PARP15: variants seen among roughly 807,000 people sequenced by gnomAD.
PARP15 encodes the protein poly(ADP-ribose) polymerase family member 15.
Under a neutral mutation model 62.1 loss-of-function variants are expected in PARP15, and 50 were observed. That is an observed-to-expected ratio of 0.81 (90% confidence interval 0.64 to 1.02). The LOEUF (loss-of-function observed/expected upper bound fraction) is 1.02. Among genes scored for constraint, PARP15 ranks in the 50% least tolerant of loss-of-function variants. The pLI is 0.00. For synonymous variants in PARP15, 309 were observed against 293.1 expected (o/e 1.05, Z -0.55); for missense variants, 820 against 826.5 (o/e 0.99, Z 0.10).
intron 8 of PARP15, among the ~76,000 whole-genome samples, chr3:122,626,283 C>T (rs180999651): frequency 1.3e-5 from 2 of 150,440 alleles, no homozygotes; most frequent in Non-Finnish European, 2.9e-5. Flanking sequence ...ACTGCAAGCT[C>T]CGCCTCCCAG....
chr3:122,630,439 C>G (rs1015961094), intron 9 of PARP15, among the ~76,000 whole-genome samples: 2 of 152,162 alleles, frequency 1.3e-5, no homozygotes, highest in Non-Finnish European at 2.9e-5. Context: ...AATCCCAGCA[C>G]TTCAGAAGGC....
rs1219154541 is a variant in PARP15 at position 122,577,659 on chromosome 3, G to T, written c.-9G>T. On this transcript the variant is annotated 5_prime_UTR_variant, in exon 1 of 12. Coordinates refer to ENST00000464300, the MANE Select transcript of PARP15 (RefSeq NM_001113523.3). ...GGTGGGGCGCAACTGCAGTCCCAGC[G>T]AGCTGAGGATGGCTGCGCCAGGCCC... 26 of 1,551,570 alleles carry T rather than the reference G, an allele frequency of 1.7e-5. No homozygotes were observed. Among genetic ancestry groups the T allele is most frequent in the Non-Finnish European group, 2.2e-5 (25 of 1,146,948 alleles).
intron 1 of PARP15, among the ~76,000 whole-genome samples, chr3:122,579,992 A>ACTATAT (rs2080764102): frequency 3.8e-5 from 1 of 26,128 alleles, no homozygotes; most frequent in Non-Finnish European, 8.6e-5. Flanking sequence ...AACAACAGCA[A>ACTATAT]CTATATGTAT....
chr3:122,589,471 A>G (rs7615345), intron 1 of PARP15, among the ~76,000 whole-genome samples: 36,531 of 152,114 alleles, frequency 0.24, 4,425 homozygotes, highest in East Asian at 0.28. Context: ...GCTGAGTCAC[A>G]TGGTAACTAA....
Position 122,619,737 on chromosome 3 carries a change from T to A in PARP15, c.1001-44T>A, listed in dbSNP as rs142789163. On this transcript the variant is annotated intron_variant, in intron 6 of 11. Transcript: ENST00000464300. ...ATGTACAAAAACTATAACCACTTATTGAATTCTAACTGATGCCTTTTACCA... is the reference window on the plus strand; with the variant it reads ...ATGTACAAAAACTATAACCACTTATAGAATTCTAACTGATGCCTTTTACCA... 3.4e-5 allele frequency: 50 copies of A among 1,485,580 alleles called. No individual in the cohort carries two copies. The Middle Eastern group carries it at 2.7e-3, about 82-fold the overall frequency. 92.0% of individuals were successfully genotyped at this position (1,485,580 alleles called of 1,614,324 possible). A position where few individuals can be genotyped will look rare whatever the true frequency, so the allele number is the denominator to read the frequency against.
At chr3:122,623,086 T>C (rs1010871628) in intron 8 of PARP15, among the ~76,000 whole-genome samples, 2 of 152,192 alleles carry the variant, frequency 1.3e-5, no homozygotes, top group Admixed American at 1.3e-4. Flanking sequence ...TAACCTTTTG[T>C]TATAACCTTT....
In PARP15 at chr3:122,635,102, A is replaced by G. The variant is rs1937274318; in HGVS notation, c.1655A>G (p.Asn552Ser). Reference protein sequence around the residue: ...RQMDIKNDHKNNERLLFHGTD... With the variant: ...RQMDIKNDHKSNERLLFHGTD... Reference sequence around the variant, plus strand: ...ATGGATATCAAGAATGACCATAAGAATAATGAGAGACTCCTCTTCCATGGG... The same window carrying G: ...ATGGATATCAAGAATGACCATAAGAGTAATGAGAGACTCCTCTTCCATGGG... Residue 552 changes from asparagine (N) to serine (S), a missense_variant, in exon 11 of 12, where the codon AAT becomes AGT. Transcript: ENST00000464300. The G allele has an allele frequency of 2.5e-6, 4 of 1,613,978 alleles. No homozygotes were observed. Among genetic ancestry groups the G allele is most frequent in the Non-Finnish European group, 3.4e-6 (4 of 1,179,964 alleles).
chr3:122,587,514 T>A (rs1933540379), intron 1 of PARP15, among the ~76,000 whole-genome samples: 1 of 152,106 alleles, frequency 6.6e-6, no homozygotes, highest in South Asian at 2.1e-4. Context: ...GGTAGCTCAT[T>A]GTTGTTTTGT....
chr3:122,623,653 C>T (rs58667377), intron 8 of PARP15, among the ~76,000 whole-genome samples: 9,012 of 152,216 alleles, frequency 0.059, 801 homozygotes, highest in African/African-American at 0.2. Flanking sequence ...TGCCACACCT[C>T]TTCGACTGTG....
intron 7 of PARP15, among the ~76,000 whole-genome samples, chr3:122,620,259 C>T (rs1936253776): frequency 6.6e-6 from 1 of 152,212 alleles, no homozygotes; most frequent in Admixed American, 6.5e-5. Context: ...GTTCTGTAAA[C>T]TGTGAAGTGC....
At chr3:122,596,267 AATCCCTT>A (rs1449421982) in intron 1 of PARP15, among the ~76,000 whole-genome samples, 7 of 146,588 alleles carry the variant, frequency 4.8e-5, no homozygotes, top group Non-Finnish European at 9.0e-5. Context: ...GAGGCAGGAT[AATCCCTT>A]GAACCAAGGA....
At position 122,638,509 on chromosome 3, in the gene PARP15, G is replaced by A. The variant is rs544977330; in HGVS notation, c.*2409G>A. ...TTGCCATTCTAACGGGTGTGGGATG[G>A]TATCTCATTGTTGTTTTGATTTGCA... On this transcript the variant is annotated 3_prime_UTR_variant, in exon 12 of 12. Transcript: ENST00000464300. 6.6e-6 allele frequency: 1 copy of A among 152,294 alleles called. No individual in the cohort carries two copies. The highest frequency in any genetic ancestry group is 2.1e-4 in the South Asian group (1 of 4,826). 9.4% of individuals were successfully genotyped at this position (152,294 alleles called of 1,614,324 possible). A position where few individuals can be genotyped will look rare whatever the true frequency, so the allele number is the denominator to read the frequency against.
rs1280441992 is a variant in PARP15 at position 122,635,017 on chromosome 3, C to A, written c.1573-3C>A. Reference sequence around the variant, plus strand: ...GAAATATTTTGTCTTTTGTTACCTGCAGATTGAGAGGATACAGAATGCATT... The same window carrying A: ...GAAATATTTTGTCTTTTGTTACCTGAAGATTGAGAGGATACAGAATGCATT... On this transcript the variant is annotated splice_region_variant and splice_polypyrimidine_tract_variant and intron_variant, in intron 10 of 11. Transcript: ENST00000464300. The A allele has an allele frequency of 4.3e-6, 7 of 1,613,272 alleles. No homozygotes were observed. The highest frequency in any genetic ancestry group is 5.9e-6 in the Non-Finnish European group (7 of 1,179,748).
At chr3:122,604,299 A>G (rs1276278309) in intron 1 of PARP15, among the ~76,000 whole-genome samples, 21 of 152,130 alleles carry the variant, frequency 1.4e-4, no homozygotes. Context: ...CTAAAATTCT[A>G]TGATCGATTA....
At position 122,594,585 on chromosome 3, in the gene PARP15, A is replaced by G. The variant is rs539724166; in HGVS notation, c.187-11351A>G. On this transcript the variant is annotated intron_variant, in intron 1 of 11. Transcript: ENST00000464300. ...GGGTAAGTTGAAATTGATATAGGGT[A>G]GGGGAGGTTGAAATTGACGTTGTGA... 9 of 969,888 alleles carry G rather than the reference A, an allele frequency of 9.3e-6. No homozygotes were observed. The African/African-American group carries it at 1.6e-4, about 17-fold the overall frequency. 60.1% of individuals were successfully genotyped at this position (969,888 alleles called of 1,614,324 possible). A position where few individuals can be genotyped will look rare whatever the true frequency, so the allele number is the denominator to read the frequency against.
At chr3:122,624,709 G>A (rs1478208176) in intron 8 of PARP15, among the ~76,000 whole-genome samples, 1 of 152,156 alleles carries the variant, frequency 6.6e-6, no homozygotes, top group Admixed American at 6.5e-5. Context: ...AGTGATGCTG[G>A]GGTGGCTGTA....
chr3:122,603,947 T>G (rs1420478525), intron 1 of PARP15, among the ~76,000 whole-genome samples: 2 of 152,228 alleles, frequency 1.3e-5, no homozygotes, highest in Non-Finnish European at 2.9e-5. Flanking sequence ...GACCAAATGA[T>G]AATTGTTGCC....
chr3:122,606,573 TA>T (rs1345758158), intron 2 of PARP15, among the ~76,000 whole-genome samples: 1 of 152,150 alleles, frequency 6.6e-6, no homozygotes, highest in Non-Finnish European at 1.5e-5. Flanking sequence ...AATCACCAGT[TA>T]ACAGAAGATA....
chr3:122,609,801 T>C (rs1043595689), intron 2 of PARP15, among the ~76,000 whole-genome samples: 1 of 151,868 alleles, frequency 6.6e-6, no homozygotes, highest in African/African-American at 2.4e-5. Context: ...GAGCACAAAA[T>C]CTGAGTAATA....
Sources: allele counts gnomAD v4.1 joint callset (sites outside exome capture counted in the v4.1 genomes callset), GRCh38; gene constraint gnomAD v4.1.1; transcripts MANE v1.5; gene names NCBI Gene and HGNC (gene_info 2026-07-23, HGNC 2026-07-21).